The following TULP4 variants were observed in gnomAD, a reference collection of about 807,000 sequenced individuals.
TULP4 encodes TUB like protein 4, also known as tubby-related protein 4.
In TULP4, 16 loss-of-function variants were observed where a neutral mutation model predicts 129.0. The observed-to-expected ratio is 0.12, with a 90% CI of 0.08 to 0.19. TULP4 has a LOEUF of 0.19. Ranked by LOEUF, TULP4 falls within the 10% of genes least tolerant of loss-of-function variation. TULP4 has a pLI of 1.00. For synonymous variants in TULP4, 998 were observed against 854.0 expected (o/e 1.17, Z -2.94); for missense variants, 1,842 against 2,059.1 (o/e 0.89, Z 2.04).
At chr6:158,399,072 C>G (rs1057331400) in intron 1 of TULP4, among the ~76,000 whole-genome samples, 2 of 152,206 alleles carry the variant, frequency 1.3e-5, no homozygotes, top group African/African-American at 4.8e-5. Context: ...ATGCTTTTCT[C>G]TGCCTCAGTT....
At chr6:158,427,146 A>G (rs1247235263) in intron 2 of TULP4, among the ~76,000 whole-genome samples, 1 of 152,212 alleles carries the variant, frequency 6.6e-6, no homozygotes, top group Non-Finnish European at 1.5e-5. Flanking sequence ...TAATATGTAT[A>G]AAAAGGAATG....
intron 1 of TULP4, among the ~76,000 whole-genome samples, chr6:158,300,935 A>G (rs1779119671): frequency 6.6e-6 from 1 of 151,952 alleles, no homozygotes; most frequent in Non-Finnish European, 1.5e-5. Context: ...AGATTATGGA[A>G]CTCCTGAGCT....
chr6:158,253,405 G>C (rs1182790191), intron 1 of TULP4, among the ~76,000 whole-genome samples: 1 of 152,158 alleles, frequency 6.6e-6, no homozygotes, highest in Non-Finnish European at 1.5e-5. Context: ...TCTCTGCCCT[G>C]CCGTAAGTGG....
chr6:158,240,736 C>T (rs1252856724), intron 1 of TULP4, among the ~76,000 whole-genome samples: 5 of 126,172 alleles, frequency 4.0e-5, no homozygotes, highest in Non-Finnish European at 7.1e-5. Context: ...GGCGGCTGGC[C>T]GGGCGGGGGG....
At chr6:158,444,848 G>C (rs954453979) in intron 3 of TULP4, among the ~76,000 whole-genome samples, 1 of 152,182 alleles carries the variant, frequency 6.6e-6, no homozygotes. Context: ...GTCTCGCTCA[G>C]TCACCCAGGG....
chr6:158,425,920 C>T (rs1437142193), intron 2 of TULP4, among the ~76,000 whole-genome samples: 1 of 152,130 alleles, frequency 6.6e-6, no homozygotes, highest in Non-Finnish European at 1.5e-5. Flanking sequence ...TAATCGTAGC[C>T]ATTCCAACTG....
chr6:158,423,240 G>A (rs1399276272), intron 2 of TULP4, among the ~76,000 whole-genome samples: 2 of 152,166 alleles, frequency 1.3e-5, no homozygotes, highest in East Asian at 1.9e-4. Flanking sequence ...GCAGCCTGGG[G>A]CTAAATAAAG....
intron 1 of TULP4, among the ~76,000 whole-genome samples, chr6:158,236,595 T>C (rs1777705282): frequency 7.5e-6 from 1 of 133,746 alleles, no homozygotes; most frequent in South Asian, 2.4e-4. Flanking sequence ...CCACTTTCAG[T>C]CACCTAAGGC....
chr6:158,365,727 T>A (rs1225053431), intron 1 of TULP4, among the ~76,000 whole-genome samples: 1 of 151,822 alleles, frequency 6.6e-6, no homozygotes, highest in Non-Finnish European at 1.5e-5. Flanking sequence ...CGCCTTGGCC[T>A]CCCAAAATGC....
intron 1 of TULP4, among the ~76,000 whole-genome samples, chr6:158,363,879 G>A (rs1780858017): frequency 6.6e-6 from 1 of 152,154 alleles, no homozygotes; most frequent in African/African-American, 2.4e-5. Flanking sequence ...GTGAAATAAT[G>A]TCATATGAAA....
chr6:158,415,825 G>A (rs773148446), intron 2 of TULP4, among the ~76,000 whole-genome samples: 5 of 152,154 alleles, frequency 3.3e-5, no homozygotes, highest in East Asian at 1.9e-4. Flanking sequence ...TGCGGTAGAT[G>A]TATATATGAA....
chr6:158,244,222 G>A lies in TULP4; in HGVS notation n.68+11919G>A, dbSNP rs780104525. Among the ~76,000 whole-genome samples, 3 of 151,932 alleles carry A rather than the reference G, an allele frequency of 2.0e-5. No homozygotes were observed. The East Asian group carries it at 5.8e-4, about 29-fold the overall frequency. On this transcript the variant is annotated intron_variant and non_coding_transcript_variant, in intron 1 of 1. Transcript: ENST00000620026. ...TAATCTCATAGCTTCCTTGCTTTACGATATGATGAGATGTTTCAGGTTCGT... is the reference window on the plus strand; with the variant it reads ...TAATCTCATAGCTTCCTTGCTTTACAATATGATGAGATGTTTCAGGTTCGT...
chr6:158,276,678 G>T (rs891326693), intron 1 of TULP4, among the ~76,000 whole-genome samples: 4 of 152,084 alleles, frequency 2.6e-5, no homozygotes, highest in Non-Finnish European at 5.9e-5. Context: ...GGGTCCCTTT[G>T]CCCAGCACTC....
Position 158,504,161 on chromosome 6 carries a change from G to A in TULP4, c.4498G>A (p.Glu1500Lys). The change falls in exon 13 of 14, where the codon GAG becomes AAG. Residue 1500 changes from glutamate to lysine, a missense_variant. Around this residue, in one of 5 missense-constraint regions of TULP4, gnomAD observed 47 missense variants for 104.0 expected, o/e 0.45. Transcript: ENST00000367097. ...TQESAKNFQI[E>K]LEGRQVMQFG... ...GGAGTCCGCCAAGAACTTCCAGATT[G>A]AGTTAGAGGGGCGGCAGGTAAGACC... The A allele has an allele frequency of 6.3e-7, 1 of 1,593,792 alleles. No individual in the cohort carries two copies. The highest frequency in any genetic ancestry group is 8.6e-7 in the Non-Finnish European group (1 of 1,168,704).
chr6:158,456,009 A>G (rs1779284927), intron 5 of TULP4, among the ~76,000 whole-genome samples: 1 of 152,194 alleles, frequency 6.6e-6, no homozygotes. Context: ...TGAAGTTTTT[A>G]TACCCTTTCC....
At chr6:158,495,722 C>A (rs946280214) in intron 11 of TULP4, among the ~76,000 whole-genome samples, 6 of 152,046 alleles carry the variant, frequency 3.9e-5, no homozygotes, top group African/African-American at 1.4e-4. Context: ...TGCCTGTAAT[C>A]CTAGCTACTT....
chr6:158,421,711 A>G (rs1000462810), intron 2 of TULP4, among the ~76,000 whole-genome samples: 8 of 152,340 alleles, frequency 5.3e-5, no homozygotes, highest in Non-Finnish European at 8.8e-5. Context: ...CCCACAAAGA[A>G]CAGCTTTGTA....
rs759798360 is a variant in TULP4, at chr6:158,494,836, C to A, written c.1860C>A (p.Asn620Lys). The A allele has an allele frequency of 6.2e-7, 1 of 1,613,998 alleles. No individual in the cohort carries two copies. The highest frequency in any genetic ancestry group is 1.7e-5 in the Admixed American group (1 of 60,024). Residue 620 changes from asparagine to lysine, a missense_variant, in exon 11 of 14, where the codon AAC (asparagine) becomes AAA (lysine). Asn to Lys is a moderately conservative substitution (Grantham distance 94). This residue lies in a region of TULP4 where 99 missense variants were observed against 165.1 expected (regional missense o/e 0.60). Coordinates refer to ENST00000367097, the MANE Select transcript of TULP4 (RefSeq NM_020245.5). ...GCTTGGCTGCTTTCCTGCCAACCAACCTCGGTGCAGGTAAAAATCATGTCC... is the reference window on the plus strand; with the variant it reads ...GCTTGGCTGCTTTCCTGCCAACCAAACTCGGTGCAGGTAAAAATCATGTCC... ...IVGLAAFLPT[N>K]LGAVIYKTSL...
chr6:158,267,113 C>A (rs1411756209), intron 1 of TULP4, among the ~76,000 whole-genome samples: 2 of 152,210 alleles, frequency 1.3e-5, no homozygotes, highest in Non-Finnish European at 1.5e-5. Flanking sequence ...TCTGAAGGTT[C>A]ATCCATGTTG....
Sources: allele counts gnomAD v4.1 joint callset (sites outside exome capture counted in the v4.1 genomes callset), GRCh38; gene constraint gnomAD v4.1.1; regional missense constraint gnomAD v4.1.1; transcripts MANE v1.5; gene names NCBI Gene and HGNC (gene_info 2026-07-23, HGNC 2026-07-21).